Variants in RNF144B observed in about 807,000 individuals in gnomAD.
RNF144B encodes ring finger protein 144B, also known as E3 ubiquitin-protein ligase RNF144B.
RNF144B carries 25 observed loss-of-function variants against 40.2 expected under a neutral mutation model. That is an observed-to-expected ratio of 0.62 (90% CI 0.45 to 0.87). The LOEUF (loss-of-function observed/expected upper bound fraction) is 0.87. RNF144B is among the 40% of genes least tolerant of loss of function. The pLI is 0.00. For synonymous variants in RNF144B, 145 were observed against 136.3 expected, an observed-to-expected ratio of 1.06 and a Z score of -0.44; for missense variants, 365 against 373.7, an observed-to-expected ratio of 0.98 and a Z score of 0.19.
chr6:18,393,353 A>G (rs1355190732), intron 1 of RNF144B, among the ~76,000 whole-genome samples: 3 of 152,152 alleles, frequency 2.0e-5, no homozygotes, highest in Non-Finnish European at 4.4e-5. Flanking sequence ...ACTGGCCACA[A>G]AGGAGGTCTA....
rs1298920158 is a variant in RNF144B at position 18,444,513 on chromosome 6, A to G, written c.331+4769A>G. 6.6e-6 allele frequency among the ~76,000 whole-genome samples: 1 copy of G among 151,976 alleles called. No homozygotes were observed. The highest frequency in any genetic ancestry group is 6.6e-5 in the Admixed American group (1 of 15,244). On this transcript the variant is annotated intron_variant, in intron 4 of 7. Coordinates refer to ENST00000259939, the MANE Select transcript of RNF144B (RefSeq NM_182757.4). This position sits in a 1 kb window ranked among gnomAD's most constrained non-coding sequence, Gnocchi z 4.3. Reference sequence around the variant, plus strand: ...GATGATCCATCTTGAGTTCTTACGCACTTTTCCTTTTTTTGTGACCCTGTT... The same window carrying G: ...GATGATCCATCTTGAGTTCTTACGCGCTTTTCCTTTTTTTGTGACCCTGTT...
intron 1 of RNF144B, among the ~76,000 whole-genome samples, chr6:18,393,996 C>T (rs557740667): frequency 7.2e-5 from 11 of 152,282 alleles, no homozygotes; most frequent in African/African-American, 2.6e-4. Context: ...GAATTAAGAC[C>T]TCAGTGCAGA....
At chr6:18,401,756 A>G (rs977203779) in intron 2 of RNF144B, among the ~76,000 whole-genome samples, 4 of 152,212 alleles carry the variant, frequency 2.6e-5, no homozygotes, top group African/African-American at 7.2e-5. Context: ...CATATGCCAC[A>G]TACTACTGAC....
chr6:18,396,964 G>A (rs144560329), intron 1 of RNF144B: 99 of 266,998 alleles, frequency 3.7e-4, no homozygotes, highest in African/African-American at 2.0e-3. Flanking sequence ...ATGGAATAAC[G>A]CTGTGTCTTG....
chr6:18,421,273 T>TACACAC lies in RNF144B; in HGVS notation c.166-6270_166-6265dup, dbSNP rs1170609706. Among the ~76,000 whole-genome samples, 381 of 102,238 alleles carry TACACAC rather than the reference T, an allele frequency of 3.7e-3. 1 individual carries two copies. The highest frequency in any genetic ancestry group is 4.9e-3 in the African/African-American group (138 of 27,980). 67.1% of individuals were successfully genotyped at this position (102,238 alleles called of 152,430 possible). A position where few individuals can be genotyped will look rare whatever the true frequency, so the allele number is the denominator to read the frequency against. On this transcript the variant is annotated intron_variant, in intron 2 of 7. Transcript: ENST00000259939. ...TCTCAAAAAAAAAAATTATATATTA[T>TACACAC]ACACACACACACACACACACACACA...
In RNF144B at chr6:18,410,539, G is replaced by A. The variant is rs993099667; in HGVS notation, c.165+10840G>A. On this transcript the variant is annotated intron_variant, in intron 2 of 7. Transcript: ENST00000259939. The surrounding 1 kb of genome is among the most constrained non-coding windows in gnomAD (Gnocchi z 4.6). ...ACAGTGCTCCAGGGAAAAGAGGCCAGCCACATGTGAGAACACAGAATCAGG... is the reference window on the plus strand; with the variant it reads ...ACAGTGCTCCAGGGAAAAGAGGCCAACCACATGTGAGAACACAGAATCAGG... Among the ~76,000 whole-genome samples the A allele has an allele frequency of 9.9e-5, 15 of 151,764 alleles. No individual in the cohort carries two copies. The highest frequency in any genetic ancestry group is 2.2e-4 in the Non-Finnish European group (15 of 67,940).
chr6:18,426,151 T>C (rs1456952567), intron 2 of RNF144B, among the ~76,000 whole-genome samples: 1 of 152,240 alleles, frequency 6.6e-6, no homozygotes, highest in Non-Finnish European at 1.5e-5. Flanking sequence ...TTTTGGCTCA[T>C]GCTTTTATAA....
intron 3 of RNF144B, among the ~76,000 whole-genome samples, chr6:18,435,306 A>G (rs1758792339): frequency 6.6e-6 from 1 of 152,190 alleles, no homozygotes; most frequent in South Asian, 2.1e-4. Context: ...ATACCTAGGG[A>G]GCTTTGCTTT....
rs1156837994 is a variant in RNF144B at position 18,450,422 on chromosome 6, C to T, written c.332-6733C>T. On this transcript the variant is annotated intron_variant, in intron 4 of 7. Coordinates refer to ENST00000259939, the MANE Select transcript of RNF144B (RefSeq NM_182757.4). The surrounding 1 kb of genome is among the most constrained non-coding windows in gnomAD (Gnocchi z 4.7). Reference sequence around the variant, plus strand: ...AAGTGATTCTCCTGCCTCAGCCTCCCGAGTAGCTGGGATTACACGTGTGTG... The same window carrying T: ...AAGTGATTCTCCTGCCTCAGCCTCCTGAGTAGCTGGGATTACACGTGTGTG... Among the ~76,000 whole-genome samples, 2 of 151,958 alleles carry T rather than the reference C, an allele frequency of 1.3e-5. No individual in the cohort carries two copies. Among genetic ancestry groups the T allele is most frequent in the Non-Finnish European group, 2.9e-5 (2 of 68,000 alleles).
rs1456359623 is a variant in RNF144B, at chr6:18,434,768, C to T, written c.271-4916C>T. 3.3e-5 allele frequency among the ~76,000 whole-genome samples: 5 copies of T among 152,074 alleles called. No individual in the cohort carries two copies. Among genetic ancestry groups the T allele is most frequent in the Non-Finnish European group, 5.9e-5 (4 of 68,012 alleles). On this transcript the variant is annotated intron_variant, in intron 3 of 7. Transcript: ENST00000259939. The surrounding 1 kb of genome is among the most constrained non-coding windows in gnomAD (Gnocchi z 4.1). ...TCCTGAGTAGCTGGGACTACAGGCG[C>T]CTGCTACCACGCCCAGCTAATTTTT...
chr6:18,464,751 A>G lies in RNF144B; in HGVS notation c.772-176A>G, dbSNP rs1332283520. 6.6e-6 allele frequency among the ~76,000 whole-genome samples: 1 copy of G among 152,196 alleles called. No homozygotes were observed. The highest frequency in any genetic ancestry group is 1.5e-5 in the Non-Finnish European group (1 of 68,026). On this transcript the variant is annotated intron_variant, in intron 7 of 7. Transcript: ENST00000259939. This position sits in a 1 kb window ranked among gnomAD's most constrained non-coding sequence, Gnocchi z 6.1. The stretch of plus-strand genomic sequence containing the variant: ...ATGAGGGCCCTGCCCTCATAAACCA[A>G]CTAACTTCTAAAGGCCTCGTCTCCA...
At position 18,428,891 on chromosome 6, in the gene RNF144B, C is replaced by T. The variant is rs1370059665; in HGVS notation, c.270+1206C>T. On this transcript the variant is annotated intron_variant, in intron 3 of 7. Transcript: ENST00000259939. Reference sequence around the variant, plus strand: ...CTTTCTGACTGCCATAATTACGTGGCTTTGAGTAGAATTAGGTTGGCCAGG... The same window carrying T: ...CTTTCTGACTGCCATAATTACGTGGTTTTGAGTAGAATTAGGTTGGCCAGG... Among the ~76,000 whole-genome samples, 4 of 152,082 alleles carry T rather than the reference C, an allele frequency of 2.6e-5. 1 individual carries two copies. Among genetic ancestry groups the T allele is most frequent in the Admixed American group, 2.0e-4 (3 of 15,252 alleles).
At chr6:18,396,691 A>G in intron 1 of RNF144B, 12 of 985,426 alleles carry the variant, frequency 1.2e-5, no homozygotes, top group Non-Finnish European at 1.4e-5. Flanking sequence ...TAAGCAGTGA[A>G]GCAGCGTTGA....
chr6:18,465,842 A>G lies in RNF144B; in HGVS notation c.*775A>G, dbSNP rs1759561725. ...CTTACAGCCAGTGGCTGTGGTCTAC[A>G]GAATTGTTTCATATAAAATACGGGT... On this transcript the variant is annotated 3_prime_UTR_variant, in exon 8 of 8. Transcript: ENST00000259939. The G allele has an allele frequency of 6.6e-6, 1 of 152,270 alleles. No homozygotes were observed. Among genetic ancestry groups the G allele is most frequent in the South Asian group, 2.1e-4 (1 of 4,832 alleles). The allele number at this position is 152,270 out of a possible 1,614,324, so 9.4% of individuals were successfully genotyped here. A position where few individuals can be genotyped will look rare whatever the true frequency, so the allele number is the denominator to read the frequency against.
rs533631 is a variant in RNF144B, at chr6:18,467,225, T to C, written c.*2158T>C. On this transcript the variant is annotated 3_prime_UTR_variant, in exon 8 of 8. Coordinates refer to ENST00000259939, the MANE Select transcript of RNF144B (RefSeq NM_182757.4). Reference sequence around the variant, plus strand: ...TCAGTAAACTCTTTAAGCTTGGTGCTGCAAAGAGTCTTTAAATGGGGGCTG... The same window carrying C: ...TCAGTAAACTCTTTAAGCTTGGTGCCGCAAAGAGTCTTTAAATGGGGGCTG... 0.96 allele frequency: 146,212 copies of C among 152,544 alleles called. 70,216 individuals are homozygous for C. The highest frequency in any genetic ancestry group is 0.99 in the Non-Finnish European group (67,476 of 68,030). 9.4% of individuals were successfully genotyped at this position (152,544 alleles called of 1,614,324 possible).
chr6:18,388,239 A>G (rs1582391478), intron 1 of RNF144B, among the ~76,000 whole-genome samples: 1 of 152,340 alleles, frequency 6.6e-6, no homozygotes, highest in Non-Finnish European at 1.5e-5. Context: ...TGTTCTCATA[A>G]CAGACTGTCA....
chr6:18,399,669 C>T lies in RNF144B; in HGVS notation c.135C>T (p.Leu45=). Residue 45 remains leucine, a synonymous_variant, in exon 2 of 8, where the codon CTC becomes CTT. Coordinates refer to ENST00000259939, the MANE Select transcript of RNF144B (RefSeq NM_182757.4). ...CEQSLDKMTT[L]QECQCIFCTA... ...AGTCTCTGGACAAGATGACCACACT[C>T]CAGGAATGCCAGTGCATCTTTTGCA... 1 of 1,613,938 alleles carries T rather than the reference C, an allele frequency of 6.2e-7. No individual in the cohort carries two copies. The highest frequency in any genetic ancestry group is 8.5e-7 in the Non-Finnish European group (1 of 1,179,882).
chr6:18,462,308 C>T (rs191131630), intron 6 of RNF144B, among the ~76,000 whole-genome samples: 1 of 152,166 alleles, frequency 6.6e-6, no homozygotes, highest in Non-Finnish European at 1.5e-5. Context: ...TTGGCAGAAT[C>T]CAATAGTACT....
At chr6:18,415,729 G>A (rs1795137023) in intron 2 of RNF144B, among the ~76,000 whole-genome samples, 1 of 152,066 alleles carries the variant, frequency 6.6e-6, no homozygotes, top group Non-Finnish European at 1.5e-5. Flanking sequence ...TGGAATGTGA[G>A]TACTCAATGT....
Sources: allele counts gnomAD v4.1 joint callset (sites outside exome capture counted in the v4.1 genomes callset), GRCh38; gene constraint gnomAD v4.1.1; non-coding constraint Gnocchi (gnomAD v3.1); transcripts MANE v1.5; gene names NCBI Gene and HGNC (gene_info 2026-07-23, HGNC 2026-07-21).